Variants in C5orf34 observed in about 807,000 individuals in gnomAD.
The protein encoded by C5orf34 is chromosome 5 open reading frame 34.
C5orf34 carries 73 observed loss-of-function variants against 78.4 expected under a neutral mutation model. The ratio of observed to expected loss-of-function variants is 0.93; its 90% CI spans 0.77 to 1.13. C5orf34 has a LOEUF of 1.13. Ranked by LOEUF, C5orf34 falls within the 50% of genes most tolerant of loss-of-function variation. C5orf34 has a pLI of 0.00. For synonymous variants in C5orf34, 251 were observed against 246.6 expected, an observed-to-expected ratio of 1.02 and a Z score of -0.17; for missense variants, 730 against 732.7, an observed-to-expected ratio of 1.00 and a Z score of 0.04.
intron 4 of C5orf34, among the ~76,000 whole-genome samples, chr5:43,505,038 G>A (rs558547612): frequency 6.6e-5 from 10 of 152,262 alleles, no homozygotes; most frequent in South Asian, 4.2e-4. Context: ...GGGATGATAC[G>A]TTTTTTAACT....
At chr5:43,508,519 C>T (rs1367803485) in intron 3 of C5orf34, 58 bp downstream of exon 3, 1 of 984,878 alleles carries the variant, frequency 1.0e-6, no homozygotes, top group Non-Finnish European at 1.6e-6. Context: ...ATTAAATTAC[C>T]TGTTTCTAGT....
rs748486327 is a variant in C5orf34, at chr5:43,506,034, T to G, written c.646A>C (p.Asn216His). ...KETLKKMSCV[N>H]GTEGREELPS... ...AGCTCTTCCCTCCCTTCAGTTCCAT[T>G]TACACAACTCATCTTCTTTAAAGTT... Residue 216 changes from asparagine (N) to histidine (H), a missense_variant, in exon 4 of 13, where the codon AAT (asparagine) becomes CAT (histidine). Physicochemically the swap from Asn to His is moderately conservative, Grantham distance 68. Transcript: ENST00000306862. The G allele has an allele frequency of 6.2e-7, 1 of 1,614,088 alleles. No homozygotes were observed. Among genetic ancestry groups the G allele is most frequent in the African/African-American group, 1.3e-5 (1 of 74,936 alleles).
At chr5:43,509,738 A>G (rs745629844) in intron 1 of C5orf34, among the ~76,000 whole-genome samples, 1 of 152,166 alleles carries the variant, frequency 6.6e-6, no homozygotes, top group Non-Finnish European at 1.5e-5. Context: ...AACCAAGAAG[A>G]AATCTAATTT....
rs1302252798 is a variant in C5orf34 at position 43,515,072 on chromosome 5, C to T, written c.-303G>A. ...AAGCGGAGACAGCGCCAACTGTAAC[C>T]ACTAAGAGAAAGCGCAAACCGCACA... On this transcript the variant is annotated 5_prime_UTR_variant, in exon 1 of 13. Coordinates refer to ENST00000306862, the MANE Select transcript of C5orf34 (RefSeq NM_198566.4). 6.6e-6 allele frequency: 1 copy of T among 152,272 alleles called. No homozygotes were observed. The highest frequency in any genetic ancestry group is 1.5e-5 in the Non-Finnish European group (1 of 68,076). The allele number at this position is 152,272 out of a possible 1,614,324, so 9.4% of individuals were successfully genotyped here. A position where few individuals can be genotyped will look rare whatever the true frequency, so the allele number is the denominator to read the frequency against.
rs145605810 is a variant in C5orf34 at position 43,492,696 on chromosome 5, G to A, written c.1485+24C>T. 672 of 1,582,462 alleles carry A rather than the reference G, an allele frequency of 4.2e-4. 3 individuals carry two copies. The Middle Eastern group carries it at 6.7e-3, about 16-fold the overall frequency. On this transcript the variant is annotated intron_variant, in intron 9 of 12. Coordinates refer to ENST00000306862, the MANE Select transcript of C5orf34 (RefSeq NM_198566.4). The stretch of plus-strand genomic sequence containing the variant: ...TTCCACAGATTACCAATAAAAAATA[G>A]ATCTAAGTCTGAAGTATACCCACCT...
chr5:43,503,959 A>G (rs1486205145), intron 4 of C5orf34, among the ~76,000 whole-genome samples, 199 bp from the exon 5 acceptor site: 1 of 152,206 alleles, frequency 6.6e-6, no homozygotes, highest in African/African-American at 2.4e-5. Context: ...ATTTTCAATA[A>G]TCTCATTATT....
Position 43,492,164 on chromosome 5 carries a change from G to A in C5orf34, c.1580+51C>T, listed in dbSNP as rs555450932. 145 of 1,213,778 alleles carry A rather than the reference G, an allele frequency of 1.2e-4. 1 individual carries two copies. In the South Asian group the frequency reaches 1.6e-3, roughly 14 times the overall value. 75.2% of individuals were successfully genotyped at this position (1,213,778 alleles called of 1,614,324 possible). A position where few individuals can be genotyped will look rare whatever the true frequency, so the allele number is the denominator to read the frequency against. On this transcript the variant is annotated intron_variant, in intron 10 of 12. Transcript: ENST00000306862. ...AAATAATGCTTATTGCTTATTCTCT[G>A]TTAGTTAAAAGTAAAACATAAAAAT...
At chr5:43,496,633 G>C (rs1245145282) in intron 6 of C5orf34, among the ~76,000 whole-genome samples, 2 of 143,930 alleles carry the variant, frequency 1.4e-5, no homozygotes, top group Non-Finnish European at 3.0e-5. Context: ...CTGTTGCCCA[G>C]GGCTGGAGTA....
chr5:43,502,674 C>T (rs548675850), intron 5 of C5orf34, among the ~76,000 whole-genome samples, 179 bp from the exon 6 acceptor site: 6 of 152,260 alleles, frequency 3.9e-5, no homozygotes, highest in East Asian at 3.9e-4. Context: ...AACTCTTTCA[C>T]GAAAAGATAA....
At position 43,494,474 on chromosome 5, in the gene C5orf34, C is replaced by T. The variant is rs368627268; in HGVS notation, c.1244+36G>A. The stretch of plus-strand genomic sequence containing the variant: ...GAAAATGTGCCAAGATGTTTAGACA[C>T]ATAACATTTGATTCAATTGAATGGG... On this transcript the variant is annotated intron_variant, in intron 7 of 12. Transcript: ENST00000306862. 4 of 1,359,590 alleles carry T rather than the reference C, an allele frequency of 2.9e-6. No homozygotes were observed. In the African/African-American group the frequency reaches 5.7e-5, roughly 19 times the overall value. 84.2% of individuals were successfully genotyped at this position (1,359,590 alleles called of 1,614,324 possible).
intron 5 of C5orf34, 51 bp from the exon 6 acceptor site, chr5:43,502,546 C>T (rs751236349): frequency 1.8e-6 from 2 of 1,094,846 alleles, no homozygotes; most frequent in East Asian, 2.4e-5. Flanking sequence ...GAGATTAAAA[C>T]ATGCATGAAG....
chr5:43,508,072 C>T (rs1456174712), intron 3 of C5orf34, among the ~76,000 whole-genome samples: 13 of 123,614 alleles, frequency 1.1e-4, no homozygotes, highest in African/African-American at 3.2e-4. Flanking sequence ...TGTGAGACTC[C>T]GTCTCAGAAA....
At chr5:43,510,657 G>C (rs1354439217) in intron 1 of C5orf34, among the ~76,000 whole-genome samples, 1 of 152,240 alleles carries the variant, frequency 6.6e-6, no homozygotes, top group Admixed American at 6.5e-5. Context: ...TGGCCGGGCT[G>C]GTCTCCAGCT....
At chr5:43,511,787 G>A (rs1244495806) in intron 1 of C5orf34, among the ~76,000 whole-genome samples, 1 of 152,082 alleles carries the variant, frequency 6.6e-6, no homozygotes, top group Non-Finnish European at 1.5e-5. Flanking sequence ...AATGGATTAA[G>A]GGCAGTGCAA....
intron 1 of C5orf34, chr5:43,511,129 C>T (rs142451896): frequency 1.6e-4 from 28 of 177,210 alleles, no homozygotes; most frequent in Non-Finnish European, 3.1e-4. Context: ...TCTGCCCGGC[C>T]GCCCCATCTG....
At position 43,487,046 on chromosome 5, in the gene C5orf34, CA is replaced by C; in HGVS notation, c.1785del (p.Phe595LeufsTer13). The C allele has an allele frequency of 6.3e-7, 1 of 1,581,204 alleles. No individual in the cohort carries two copies. The highest frequency in any genetic ancestry group is 8.6e-7 in the Non-Finnish European group (1 of 1,164,736). Reference sequence around the variant, plus strand: ...TCTGAAGATCCTGGTTTATAATGATCAAAAGACTGTTGTTCATTTTTCTTGT... The same window carrying C: ...TCTGAAGATCCTGGTTTATAATGATCAAAGACTGTTGTTCATTTTTCTTGT... ...ISNKKNEQQS[F>X]DHYKPGSSET... On this transcript the variant is annotated frameshift_variant, in exon 13 of 13. Coordinates refer to ENST00000306862, the MANE Select transcript of C5orf34 (RefSeq NM_198566.4). LOFTEE classifies it high-confidence loss of function.
At chr5:43,502,882 A>C (rs959720857) in intron 5 of C5orf34, among the ~76,000 whole-genome samples, 1 of 152,226 alleles carries the variant, frequency 6.6e-6, no homozygotes, top group Non-Finnish European at 1.5e-5. Flanking sequence ...AAACTAGCGG[A>C]ATCAATACTT....
Position 43,508,574 on chromosome 5 carries a change from C to T in C5orf34, c.285+3G>A. 1 of 1,550,410 alleles carries T rather than the reference C, an allele frequency of 6.4e-7. No homozygotes were observed. Among genetic ancestry groups the T allele is most frequent in the Non-Finnish European group, 8.8e-7 (1 of 1,132,252 alleles). The stretch of plus-strand genomic sequence containing the variant: ...CTAACAAAAATGAAGTTAAAAAAAT[C>T]ACCTTTTTTCTTTCAGAAGGTATGA... On this transcript the variant is annotated splice_donor_region_variant and intron_variant, in intron 3 of 12. Transcript: ENST00000306862.
chr5:43,495,696 T>A lies in C5orf34; in HGVS notation c.1153-1095A>T. On this transcript the variant is annotated intron_variant, in intron 6 of 12. Transcript: ENST00000306862. ...GGAACAGTACCAATACCACCAATTTTGTAGACATCCTGGAGAGGCAGGCGC... is the reference window on the plus strand; with the variant it reads ...GGAACAGTACCAATACCACCAATTTAGTAGACATCCTGGAGAGGCAGGCGC... The A allele has an allele frequency of 4.4e-6, 7 of 1,580,816 alleles. No individual in the cohort carries two copies. The South Asian group carries it at 5.5e-5, about 13-fold the overall frequency.
Sources: gnomAD v4.1 joint callset for allele counts (sites outside exome capture counted in the v4.1 genomes callset) on GRCh38, gnomAD v4.1.1 for gene constraint, MANE v1.5 for transcripts, NCBI Gene and HGNC (gene_info 2026-07-23, HGNC 2026-07-21) for gene names.